Variants in DMD observed in about 807,000 individuals in gnomAD.
DMD encodes the protein dystrophin, also known as mutant dystrophin.
DMD carries 63 observed loss-of-function variants against 330.1 expected under a neutral mutation model. The ratio of observed to expected loss-of-function variants is 0.19; its 90% CI spans 0.16 to 0.24. The LOEUF (loss-of-function observed/expected upper bound fraction) is 0.24, where lower values mean the gene tolerates loss of function less well. Ranked by LOEUF, DMD falls within the 10% of genes least tolerant of loss-of-function variation. The probability of loss-of-function intolerance (pLI) is 1.00; values close to 1 mark genes in which losing one functional copy is unlikely to be tolerated. For missense variants in DMD, 3,344 were observed against 2,684.1 expected (o/e 1.25, Z -5.43); for synonymous variants, 1,223 against 959.8 (o/e 1.27, Z -5.07).
intron 15 of DMD, 99 bp from the exon 16 acceptor site, chrX:32,565,980 TAAGAA>T (rs2051661822): frequency 1.3e-6 from 1 of 760,711 alleles, no homozygotes; most frequent in South Asian, 2.3e-5. Context: ...TTTGCATAGA[TAAGAA>T]AATATTTCAA....
chrX:32,517,818 G>T, intron 18 of DMD, 190 bp downstream of exon 18: 2 of 490,729 alleles, frequency 4.1e-6, no homozygotes, highest in South Asian at 3.6e-5. Flanking sequence ...AGTCACAGAA[G>T]AATCCAGAAA....
chrX:32,522,103 G>C (rs2046486520), intron 17 of DMD, among the ~76,000 whole-genome samples: 1 of 111,892 alleles, frequency 8.9e-6, no homozygotes, highest in Non-Finnish European at 1.9e-5. Flanking sequence ...CCAGTTTATG[G>C]TATTTTGTTA....
At chrX:32,995,754 C>T (rs2093102018) in intron 2 of DMD, among the ~76,000 whole-genome samples, 1 of 111,429 alleles carries the variant, frequency 9.0e-6, no homozygotes, top group African/African-American at 3.3e-5. Flanking sequence ...TATTACGTAC[C>T]ATATAGTAAA....
chrX:33,314,570 G>GTTTTTTTT (rs1170142842), intron 1 of DMD, among the ~76,000 whole-genome samples: 4 of 79,048 alleles, frequency 5.1e-5, no homozygotes, highest in Non-Finnish European at 6.9e-5. Flanking sequence ...TTTTTTTTTT[G>GTTTTTTTT]TTTTTTTTTT....
At chrX:31,263,134 G>A (rs2050691646) in intron 62 of DMD, among the ~76,000 whole-genome samples, 2 of 112,579 alleles carry the variant, frequency 1.8e-5, no homozygotes, top group South Asian at 3.7e-4. Context: ...TGTAAGGACC[G>A]TAGCATCTTC....
At chrX:32,578,969 C>T (rs1302243998) in intron 13 of DMD, among the ~76,000 whole-genome samples, 1 of 111,501 alleles carries the variant, frequency 9.0e-6, no homozygotes, top group African/African-American at 3.3e-5. Flanking sequence ...TTTTCTCTTA[C>T]TTTATCAACA....
intron 55 of DMD, among the ~76,000 whole-genome samples, chrX:31,521,586 T>C (rs1358889539): frequency 8.9e-6 from 1 of 112,186 alleles, no homozygotes; most frequent in Non-Finnish European, 1.9e-5. Context: ...AGAAGCCTCA[T>C]GGTGACCCAA....
At chrX:32,399,367 A>C in intron 30 of DMD, among the ~76,000 whole-genome samples, 1 of 112,110 alleles carries the variant, frequency 8.9e-6, no homozygotes, top group East Asian at 2.8e-4. Flanking sequence ...AGAATATATA[A>C]AGAGCTCAAA....
intron 1 of DMD, among the ~76,000 whole-genome samples, chrX:33,060,927 G>C (rs1022108165): frequency 1.8e-5 from 2 of 110,852 alleles, no homozygotes; most frequent in Non-Finnish European, 3.8e-5. Flanking sequence ...CAGAAACATT[G>C]GGTTAAACTA....
chrX:32,362,141 T>C (rs1252234015), intron 37 of DMD, among the ~76,000 whole-genome samples: 1 of 111,956 alleles, frequency 8.9e-6, no homozygotes, highest in Non-Finnish European at 1.9e-5. Context: ...AATAGGCATA[T>C]AAAATTACAA....
At chrX:32,441,387 A>T in intron 27 of DMD, 73 bp from the exon 28 acceptor site, 3 of 1,025,674 alleles carry the variant, frequency 2.9e-6, no homozygotes, top group Non-Finnish European at 4.1e-6. Flanking sequence ...CCATTTCATT[A>T]TTAAAACTTC....
intron 1 of DMD, among the ~76,000 whole-genome samples, chrX:33,133,131 A>T (rs1219068449): frequency 9.0e-6 from 1 of 111,343 alleles, no homozygotes. Context: ...TGGTTAAAAA[A>T]AAAGCAAGTA....
Position 32,645,113 on chromosome X carries a change from A to G in DMD, c.1000T>C (p.Leu334=). 1.7e-6 allele frequency: 2 copies of G among 1,211,607 alleles called. No individual in the cohort carries two copies. The highest frequency in any genetic ancestry group is 2.2e-6 in the Non-Finnish European group (2 of 895,438). ...TCCAGGTTTACTTCACTCTCCATCA[A>G]TGAACTGCCAAATGACTTGTCTTCA... is the stretch of plus-strand genomic sequence containing the variant. ...APEDKSFGSS[L]MESEVNLDRY... The change falls in exon 10 of 79, where the codon TTG becomes CTG. Residue 334 remains leucine, a synonymous_variant. Coordinates refer to ENST00000357033, the MANE Select transcript of DMD (RefSeq NM_004006.3).
At chrX:31,510,716 A>G (rs958836030) in intron 55 of DMD, among the ~76,000 whole-genome samples, 4 of 109,599 alleles carry the variant, frequency 3.6e-5, no homozygotes, top group East Asian at 2.9e-4. Flanking sequence ...TCACCATGTT[A>G]GCCAGGATGG....
At chrX:32,638,666 G>T (rs1243099706) in intron 11 of DMD, among the ~76,000 whole-genome samples, 1 of 111,954 alleles carries the variant, frequency 8.9e-6, no homozygotes, top group African/African-American at 3.2e-5. Context: ...ATCACAATTA[G>T]GAGTTTGAGA....
At chrX:32,584,494 A>G (rs2054000512) in intron 13 of DMD, among the ~76,000 whole-genome samples, 1 of 112,202 alleles carries the variant, frequency 8.9e-6, no homozygotes, top group African/African-American at 3.2e-5. Flanking sequence ...TAGATGAATT[A>G]TTTGTAATGC....
intron 44 of DMD, among the ~76,000 whole-genome samples, chrX:32,135,874 A>T (rs1240217432): frequency 8.9e-6 from 1 of 112,585 alleles, no homozygotes; most frequent in East Asian, 2.8e-4. Context: ...AAACTGCACA[A>T]ATCAAAATAA....
intron 17 of DMD, among the ~76,000 whole-genome samples, chrX:32,524,698 C>T (rs777037040): frequency 2.7e-5 from 3 of 112,139 alleles, no homozygotes; most frequent in East Asian, 2.8e-4. Context: ...CCAGTTGGCA[C>T]GTAGTTCTGA....
intron 9 of DMD, among the ~76,000 whole-genome samples, chrX:32,661,256 T>G (rs778597311): frequency 1.8e-5 from 2 of 111,283 alleles, no homozygotes; most frequent in Non-Finnish European, 3.8e-5. Context: ...TCTAAATTCT[T>G]TTAGAATTTA....
Sources: allele counts gnomAD v4.1 joint callset (sites outside exome capture counted in the v4.1 genomes callset), GRCh38; gene constraint gnomAD v4.1.1; transcripts MANE v1.5; gene names NCBI Gene and HGNC (gene_info 2026-07-23, HGNC 2026-07-21).